Variants in SFPQ observed in about 807,000 individuals in gnomAD.
SFPQ encodes the protein splicing factor proline and glutamine rich.
SFPQ carries 11 observed loss-of-function variants against 72.9 expected under a neutral mutation model. The ratio of observed to expected loss-of-function variants is 0.15; its 90% CI spans 0.09 to 0.25. SFPQ has a LOEUF of 0.25. SFPQ is among the 10% of genes least tolerant of loss of function. The probability of loss-of-function intolerance (pLI) is 1.00; values close to 1 mark genes in which losing one functional copy is unlikely to be tolerated. For synonymous variants in SFPQ, 506 were observed against 367.3 expected (o/e 1.38, Z -4.32); for missense variants, 847 against 993.3 (o/e 0.85, Z 1.98).
chr1:35,180,621 A>G (rs1436486545), downstream of SFPQ: 1 of 1,050,688 alleles, frequency 9.5e-7, no homozygotes, highest in Admixed American at 5.5e-5. Flanking sequence ...ATGTTTTTAA[A>G]AATTTTAAAT....
rs748830201 is a variant in SFPQ at position 35,191,435 on chromosome 1, A to G, written c.923T>C (p.Ile308Thr). Residue 308 changes from isoleucine to threonine, a missense_variant, in exon 2 of 10, where the codon ATC becomes ACC. Ile to Thr is a moderately conservative substitution (Grantham distance 89, BLOSUM62 -1). Around this residue, in one of 6 missense-constraint regions of SFPQ, gnomAD observed 35 missense variants for 52.9 expected, o/e 0.66. Transcript: ENST00000357214. ...TAGTCTTTTGAATTCATCCTCCGTG[A>G]TATCAGCAGGTAGATTCCCAACAAA... ...RLFVGNLPAD[I>T]TEDEFKRLFA... is the part of the protein sequence containing the mutation. 5.0e-6 allele frequency: 8 copies of G among 1,614,030 alleles called. No homozygotes were observed. The highest frequency in any genetic ancestry group is 1.6e-4 in the Middle Eastern group (1 of 6,084).
downstream of SFPQ, chr1:35,178,057 G>A (rs779288282): frequency 1.1e-4 from 135 of 1,279,772 alleles, no homozygotes; most frequent in Non-Finnish European, 1.3e-4. Flanking sequence ...ATAAGAAAAA[G>A]TTAATATAAA....
Position 35,191,322 on chromosome 1 carries a change from A to G in SFPQ, c.1017+19T>C, listed in dbSNP as rs1226523925. The G allele has an allele frequency of 1.9e-6, 3 of 1,606,788 alleles. No individual in the cohort carries two copies. Among genetic ancestry groups the G allele is most frequent in the African/African-American group, 1.3e-5 (1 of 74,484 alleles). On this transcript the variant is annotated intron_variant, in intron 2 of 9. Coordinates refer to ENST00000357214, the MANE Select transcript of SFPQ (RefSeq NM_005066.3). Reference sequence around the variant, plus strand: ...CCCACCCTTTTTAATTCTACGTAAAATCAAACAATTACACTCACAAGCTTA... The same window carrying G: ...CCCACCCTTTTTAATTCTACGTAAAGTCAAACAATTACACTCACAAGCTTA...
intron 1 of SFPQ, among the ~76,000 whole-genome samples, chr1:35,191,780 A>G (rs1198776734): frequency 2.0e-5 from 3 of 152,240 alleles, no homozygotes; most frequent in African/African-American, 7.2e-5. Context: ...TGTCACCCAC[A>G]TATGTTGAGT....
chr1:35,191,160 T>C (rs1639977476), intron 2 of SFPQ, among the ~76,000 whole-genome samples, 165 bp from the exon 3 acceptor site: 1 of 152,062 alleles, frequency 6.6e-6, no homozygotes. Context: ...CCCACCCCTC[T>C]TTTCTCTTAG....
At chr1:35,179,518 C>T (rs1227412131), downstream of SFPQ, 30 of 1,054,730 alleles carry the variant, frequency 2.8e-5, no homozygotes, top group Non-Finnish European at 3.3e-5. Context: ...ACAATGCAAG[C>T]ACCTCGGTAT....
chr1:35,181,651 TAAAAC>T (rs900088036), downstream of SFPQ: 33 of 1,060,610 alleles, frequency 3.1e-5, no homozygotes, highest in Admixed American at 2.7e-4. Flanking sequence ...GTGTTCCTCT[TAAAAC>T]AAAATTATGA....
downstream of SFPQ, chr1:35,180,763 C>T (rs1161954065): frequency 1.9e-6 from 2 of 1,061,408 alleles, no homozygotes; most frequent in Non-Finnish European, 2.3e-6. Flanking sequence ...TTATCACATG[C>T]TATACGGTCC....
chr1:35,181,783 G>T (rs899346175), downstream of SFPQ: 2 of 985,028 alleles, frequency 2.0e-6, no homozygotes, highest in Admixed American at 1.2e-4. Flanking sequence ...CGACTTTTAG[G>T]AAACTATTAA....
Position 35,184,480 on chromosome 1 carries a change from G to A in SFPQ, c.2100C>T (p.Gly700=), listed in dbSNP as rs1570118085. 1.9e-6 allele frequency: 3 copies of A among 1,610,272 alleles called. No individual in the cohort carries two copies. In the East Asian group the frequency reaches 6.7e-5, roughly 36 times the overall value. The change falls in exon 10 of 10, where the codon GGC becomes GGT. Residue 700 remains glycine, a synonymous_variant. Transcript: ENST00000357214. ...GYGRGREEYE[G]PNKKPRF is the part of the protein sequence containing the mutation. Reference sequence around the variant, plus strand: ...TCTAAAATCGGGGTTTTTTGTTTGGGCCTTCGTACTCTTCTCTCCCTCTAC... The same window carrying A: ...TCTAAAATCGGGGTTTTTTGTTTGGACCTTCGTACTCTTCTCTCCCTCTAC...
At chr1:35,176,489 T>C (rs559338961) in intron 5 of SFPQ, 2 of 152,180 alleles carry the variant, frequency 1.3e-5, no homozygotes, top group Non-Finnish European at 2.9e-5. Flanking sequence ...TTAAAGGGTA[T>C]GATTACTCCA....
At position 35,183,527 on chromosome 1, in the gene SFPQ, A is replaced by T; in HGVS notation, c.*929T>A. 1 of 1,014,088 alleles carries T rather than the reference A, an allele frequency of 9.9e-7. No homozygotes were observed. Among genetic ancestry groups the T allele is most frequent in the Non-Finnish European group, 1.2e-6 (1 of 846,460 alleles). 62.8% of individuals were successfully genotyped at this position (1,014,088 alleles called of 1,614,324 possible). On this transcript the variant is annotated 3_prime_UTR_variant, in exon 10 of 10. Transcript: ENST00000357214. The stretch of plus-strand genomic sequence containing the variant: ...CCACCGCGCCCGGCCCAGTTACTAA[A>T]CCTTCTTACTTTCAAGTTTTGTTTT...
chr1:35,187,613 CCCACCTACTCAAGAGGCTG>C (rs1301860791), intron 7 of SFPQ, among the ~76,000 whole-genome samples: 1 of 152,058 alleles, frequency 6.6e-6, no homozygotes, highest in Non-Finnish European at 1.5e-5. Context: ...CACTTGTAAT[CCCACCTACTCAAGAGGCTG>C]AGGCAGGAGA....
chr1:35,182,076 T>C, downstream of SFPQ: 1 of 985,340 alleles, frequency 1.0e-6, no homozygotes, highest in Non-Finnish European at 1.2e-6. Context: ...AGGGGGTCTG[T>C]GCCAGCATCC....
chr1:35,182,602 A>G (rs1639516487), downstream of SFPQ: 1 of 985,336 alleles, frequency 1.0e-6, no homozygotes, highest in Non-Finnish European at 1.2e-6. Context: ...ACACAGGCAC[A>G]ATACTAAACT....
chr1:35,178,897 AAAAAT>A (rs1385166934), downstream of SFPQ: 5 of 1,051,148 alleles, frequency 4.8e-6, no homozygotes, highest in Admixed American at 1.1e-4. Flanking sequence ...AAAAAAAAAA[AAAAAT>A]ATTTTTTTCA....
downstream of SFPQ, chr1:35,178,814 C>A: frequency 9.5e-7 from 1 of 1,049,640 alleles, no homozygotes; most frequent in Non-Finnish European, 1.1e-6. Flanking sequence ...ATAAGGGATA[C>A]TATATCGTTT....
rs748622445 is a variant in SFPQ, at chr1:35,189,178, CTT to C, written c.1612+6_1612+7del. On this transcript the variant is annotated splice_donor_region_variant and intron_variant, in intron 5 of 9. Coordinates refer to ENST00000357214, the MANE Select transcript of SFPQ (RefSeq NM_005066.3). The stretch of plus-strand genomic sequence containing the variant: ...TTAGCAATGATGTTCACGCACAGGT[CTT>C]TTTACCTTGGCGCAAAAGATTTGCC... The C allele has an allele frequency of 5.0e-6, 8 of 1,613,568 alleles. No homozygotes were observed. In the South Asian group the frequency reaches 7.7e-5, roughly 16 times the overall value.
downstream of SFPQ, chr1:35,179,295 T>C (rs1447575893): frequency 9.4e-7 from 1 of 1,059,340 alleles, no homozygotes; most frequent in Non-Finnish European, 1.1e-6. Flanking sequence ...GTCACACGCA[T>C]CTCTTTATTG....
Sources: gnomAD v4.1 joint callset for allele counts (sites outside exome capture counted in the v4.1 genomes callset) on GRCh38, gnomAD v4.1.1 for gene constraint, gnomAD v4.1.1 regional missense constraint, MANE v1.5 for transcripts, NCBI Gene and HGNC (gene_info 2026-07-23, HGNC 2026-07-21) for gene names.